Variants in MCTP1 observed in about 807,000 individuals in gnomAD.
MCTP1 encodes the protein multiple C2 and transmembrane domain-containing protein 1.
In MCTP1, 69 loss-of-function variants were observed where a neutral mutation model predicts 120.6. The ratio of observed to expected loss-of-function variants is 0.57; its 90% CI spans 0.47 to 0.70. MCTP1 has a LOEUF of 0.70. MCTP1 is among the 30% of genes least tolerant of loss of function. MCTP1 has a pLI of 0.00. For missense variants in MCTP1, 1,203 were observed against 1,248.8 expected (o/e 0.96, Z 0.55); for synonymous variants, 529 against 493.1 (o/e 1.07, Z -0.96).
At chr5:95,052,860 T>C (rs1201496862) in intron 1 of MCTP1, among the ~76,000 whole-genome samples, 5 of 152,224 alleles carry the variant, frequency 3.3e-5, no homozygotes, top group Non-Finnish European at 5.9e-5. Flanking sequence ...AGCCGTCCAG[T>C]TAAACCTGAA....
intron 1 of MCTP1, among the ~76,000 whole-genome samples, chr5:95,039,743 G>A (rs2151876266): frequency 6.6e-6 from 1 of 152,144 alleles, no homozygotes; most frequent in Middle Eastern, 3.4e-3. Flanking sequence ...ATTATCAAAA[G>A]TTGACGTAGG....
chr5:95,144,326 TTATGAA>T (rs2152445654), intron 1 of MCTP1, among the ~76,000 whole-genome samples: 1 of 152,314 alleles, frequency 6.6e-6, no homozygotes, highest in Non-Finnish European at 1.5e-5. Context: ...GATGCATAGT[TTATGAA>T]TATTTTCTTC....
intron 17 of MCTP1, 118 bp from the exon 18 acceptor site, chr5:94,799,250 A>G (rs1780701860): frequency 3.3e-6 from 3 of 915,260 alleles, no homozygotes; most frequent in Non-Finnish European, 4.8e-6. Flanking sequence ...AGGAAGATTT[A>G]TCTTGAAAAC....
chr5:95,000,972 C>T (rs1833564906), intron 2 of MCTP1, among the ~76,000 whole-genome samples: 1 of 152,094 alleles, frequency 6.6e-6, no homozygotes, highest in African/African-American at 2.4e-5. Context: ...TCCCATAATC[C>T]CCACAAATCA....
At chr5:94,810,938 C>A (rs1783285388) in intron 17 of MCTP1, among the ~76,000 whole-genome samples, 1 of 152,004 alleles carries the variant, frequency 6.6e-6, no homozygotes, top group African/African-American at 2.4e-5. Context: ...AAATTTTCAC[C>A]CTCATAAATA....
chr5:94,847,680 G>GTATATATATA (rs1302413305), intron 17 of MCTP1, among the ~76,000 whole-genome samples: 3 of 108,434 alleles, frequency 2.8e-5, no homozygotes, highest in South Asian at 3.2e-4. Context: ...GTGTGTGTGT[G>GTATATATATA]TGTATATATA....
At chr5:95,238,698 G>A (rs969053449) in intron 1 of MCTP1, among the ~76,000 whole-genome samples, 3 of 152,130 alleles carry the variant, frequency 2.0e-5, no homozygotes, top group African/African-American at 7.2e-5. Context: ...CTAGTCGCCT[G>A]ATACCAAGCC....
chr5:95,276,871 G>A (rs1759888909), intron 1 of MCTP1, among the ~76,000 whole-genome samples: 1 of 151,986 alleles, frequency 6.6e-6, no homozygotes, highest in Non-Finnish European at 1.5e-5. Flanking sequence ...AGAATGGCGT[G>A]AACCCAGGAG....
At chr5:95,188,477 T>C (rs964028401) in intron 1 of MCTP1, among the ~76,000 whole-genome samples, 2 of 152,204 alleles carry the variant, frequency 1.3e-5, no homozygotes, top group Non-Finnish European at 2.9e-5. Flanking sequence ...GCAGCTTTAT[T>C]AGTAACAGCC....
rs1022277474 is a variant in MCTP1, at chr5:94,789,855, T to G, written c.2556+9158A>C. On this transcript the variant is annotated intron_variant, in intron 18 of 22. Transcript: ENST00000515393. The stretch of plus-strand genomic sequence containing the variant: ...GTGCCTATAAATATTCAATAATATT[T>G]GTTGAATGAAAGTAATTTTGCATAA... Among the ~76,000 whole-genome samples the G allele has an allele frequency of 5.9e-5, 9 of 152,348 alleles. No individual in the cohort carries two copies. In the South Asian group the frequency reaches 1.9e-3, roughly 32 times the overall value.
chr5:95,242,722 C>T (rs1756305773), intron 1 of MCTP1, among the ~76,000 whole-genome samples: 1 of 152,022 alleles, frequency 6.6e-6, no homozygotes, highest in Non-Finnish European at 1.5e-5. Flanking sequence ...TAAGTCAGAT[C>T]AGTGGTAGCC....
rs114756581 is a variant in MCTP1, at chr5:95,123,355, T to C, written c.721-105871A>G. On this transcript the variant is annotated intron_variant, in intron 1 of 22. Transcript: ENST00000515393. ...AGTCTGATTTTTCTTATCCACTGGA[T>C]TAGGAGAAGAACAGTAAACAAGATT... 3.5e-3 allele frequency among the ~76,000 whole-genome samples: 528 copies of C among 152,306 alleles called. 2 individuals are homozygous for C. Among genetic ancestry groups the C allele is most frequent in the African/African-American group, 0.012 (508 of 41,568 alleles).
At chr5:95,103,298 T>G (rs1756872962) in intron 1 of MCTP1, among the ~76,000 whole-genome samples, 1 of 152,050 alleles carries the variant, frequency 6.6e-6, no homozygotes, top group Non-Finnish European at 1.5e-5. Flanking sequence ...TATTCTGTGC[T>G]TCTGTAATAA....
intron 17 of MCTP1, among the ~76,000 whole-genome samples, chr5:94,866,787 G>T (rs1192314059): frequency 6.6e-6 from 1 of 151,520 alleles, no homozygotes; most frequent in African/African-American, 2.4e-5. Flanking sequence ...CAAAAAAAAG[G>T]CTGCCATCTT....
At chr5:95,205,024 T>C (rs1370337104) in intron 1 of MCTP1, among the ~76,000 whole-genome samples, 1 of 152,052 alleles carries the variant, frequency 6.6e-6, no homozygotes, top group East Asian at 1.9e-4. Flanking sequence ...GGAACCAGAA[T>C]AGCCAAAACA....
At chr5:95,068,707 G>T in intron 1 of MCTP1, 2 of 884,728 alleles carry the variant, frequency 2.3e-6, no homozygotes, top group Non-Finnish European at 3.0e-6. Flanking sequence ...TCACAATTCG[G>T]TCAAAAAATA....
chr5:94,836,668 G>C (rs181680954), intron 17 of MCTP1, among the ~76,000 whole-genome samples: 1 of 152,304 alleles, frequency 6.6e-6, no homozygotes, highest in East Asian at 1.9e-4. Flanking sequence ...AGGCCCACCT[G>C]ATTGCCCATA....
intron 17 of MCTP1, among the ~76,000 whole-genome samples, chr5:94,842,287 T>A (rs770737161): frequency 6.6e-6 from 1 of 152,204 alleles, no homozygotes; most frequent in African/African-American, 2.4e-5. Context: ...TGAGAGACTA[T>A]TAGTATTCCA....
intron 19 of MCTP1, among the ~76,000 whole-genome samples, chr5:94,717,989 T>C (rs1359200898): frequency 5.9e-5 from 9 of 152,100 alleles, no homozygotes; most frequent in Non-Finnish European, 1.5e-5. Context: ...CCACTGACCT[T>C]CTTCACAAAA....
Sources: allele counts gnomAD v4.1 joint callset (sites outside exome capture counted in the v4.1 genomes callset), GRCh38; gene constraint gnomAD v4.1.1; transcripts MANE v1.5; gene names NCBI Gene and HGNC (gene_info 2026-07-23, HGNC 2026-07-21).